Variants in FNDC1 observed in about 807,000 individuals in gnomAD.
The protein encoded by FNDC1 is fibronectin type III domain-containing protein 1.
Under a neutral mutation model 168.0 loss-of-function variants are expected in FNDC1, and 96 were observed. The ratio of observed to expected loss-of-function variants is 0.57; its 90% CI spans 0.48 to 0.68. The LOEUF (loss-of-function observed/expected upper bound fraction) is 0.68. FNDC1 is among the 30% of genes least tolerant of loss of function. FNDC1 has a pLI of 0.00. For missense variants in FNDC1, 2,587 were observed against 2,482.1 expected (o/e 1.04, Z -0.90); for synonymous variants, 1,099 against 1,025.9 (o/e 1.07, Z -1.36).
intron 19 of FNDC1, among the ~76,000 whole-genome samples, chr6:159,264,675 T>C (rs1005689835): frequency 8.5e-5 from 13 of 152,216 alleles, no homozygotes; most frequent in African/African-American, 3.1e-4. Flanking sequence ...CACTATTTTC[T>C]AAAGGTAGAC....
intron 6 of FNDC1, among the ~76,000 whole-genome samples, chr6:159,223,276 G>A (rs571386454): frequency 1.3e-5 from 2 of 151,748 alleles, no homozygotes; most frequent in Non-Finnish European, 2.9e-5. Flanking sequence ...GATTACAGGC[G>A]TGAACCACCA....
intron 22 of FNDC1, among the ~76,000 whole-genome samples, chr6:159,269,346 CATTTGTTTATCTAGGT>C (rs1777677415): frequency 3.5e-5 from 1 of 28,736 alleles, no homozygotes; most frequent in African/African-American, 7.5e-5. Flanking sequence ...TCTATCTATC[CATTTGTTTATCTAGGT>C]ATCCATCCAT....
intron 1 of FNDC1, among the ~76,000 whole-genome samples, chr6:159,193,185 A>G (rs1305587566): frequency 6.6e-6 from 1 of 152,110 alleles, no homozygotes; most frequent in East Asian, 1.9e-4. Context: ...TTAATACACA[A>G]TTGGGAGTTT....
At chr6:159,194,979 G>GA (rs1474111379) in intron 1 of FNDC1, among the ~76,000 whole-genome samples, 10 of 152,082 alleles carry the variant, frequency 6.6e-5, no homozygotes, top group Non-Finnish European at 1.5e-4. Context: ...TCCAGGAAAT[G>GA]AAAATATCTC....
intron 4 of FNDC1, among the ~76,000 whole-genome samples, chr6:159,202,073 A>G (rs1180669244): frequency 1.3e-5 from 2 of 152,202 alleles, no homozygotes; most frequent in Non-Finnish European, 2.9e-5. Context: ...TTGAACTTCT[A>G]TCTGCAGGAG....
Position 159,239,361 on chromosome 6 carries a change from C to T in FNDC1, c.4181-156C>T, listed in dbSNP as rs77344983. Among the ~76,000 whole-genome samples the T allele has an allele frequency of 4.7e-3, 723 of 152,310 alleles. 4 individuals are homozygous for T. The highest frequency in any genetic ancestry group is 6.9e-3 in the Non-Finnish European group (471 of 68,028). On this transcript the variant is annotated intron_variant, in intron 13 of 22. Transcript: ENST00000297267. ...CTAGACACAAGAGTTATCTCAGGAT[C>T]GTGGAGCATACTGATGCAATATTCA...
intron 4 of FNDC1, among the ~76,000 whole-genome samples, chr6:159,205,989 C>G (rs1782479385): frequency 6.6e-6 from 1 of 152,240 alleles, no homozygotes; most frequent in Non-Finnish European, 1.5e-5. Context: ...CTCCCAGGGC[C>G]CCCTTGTTGG....
chr6:159,272,037 A>T lies in FNDC1; in HGVS notation c.*595A>T, dbSNP rs1777757737. 1 of 152,416 alleles carries T rather than the reference A, an allele frequency of 6.6e-6. No individual in the cohort carries two copies. The highest frequency in any genetic ancestry group is 2.4e-5 in the African/African-American group (1 of 41,458). 9.4% of individuals were successfully genotyped at this position (152,416 alleles called of 1,614,324 possible). A position where few individuals can be genotyped will look rare whatever the true frequency, so the allele number is the denominator to read the frequency against. ...TCAATTTTGATATATATATGTATAT[A>T]TGCATATACATATCCACACTTGTCT... On this transcript the variant is annotated 3_prime_UTR_variant, in exon 23 of 23. Transcript: ENST00000297267.
chr6:159,249,671 T>A (rs575843077), intron 16 of FNDC1, among the ~76,000 whole-genome samples: 1 of 152,364 alleles, frequency 6.6e-6, no homozygotes, highest in African/African-American at 2.4e-5. Flanking sequence ...GGATTTGGGA[T>A]CTAGAAATTC....
At chr6:159,238,138 C>T (rs1360977105) in intron 12 of FNDC1, among the ~76,000 whole-genome samples, 2 of 149,608 alleles carry the variant, frequency 1.3e-5, no homozygotes, top group African/African-American at 4.9e-5. Flanking sequence ...TGCCCTGTCA[C>T]ACAGGCTGGA....
chr6:159,205,789 A>T (rs750547699), intron 4 of FNDC1, among the ~76,000 whole-genome samples: 1 of 152,212 alleles, frequency 6.6e-6, no homozygotes, highest in African/African-American at 2.4e-5. Flanking sequence ...CATTTGTCAT[A>T]CTGAACAAAT....
At chr6:159,222,634 A>G (rs1287162354) in intron 6 of FNDC1, among the ~76,000 whole-genome samples, 1 of 152,266 alleles carries the variant, frequency 6.6e-6, no homozygotes, top group African/African-American at 2.4e-5. Context: ...GATAACAAAG[A>G]TAAATCTCTG....
intron 1 of FNDC1, among the ~76,000 whole-genome samples, chr6:159,177,003 C>T (rs1781774507): frequency 6.6e-6 from 1 of 152,100 alleles, no homozygotes; most frequent in Non-Finnish European, 1.5e-5. Flanking sequence ...TTGGAAAGGG[C>T]TCCAGGGTAG....
chr6:159,173,962 G>A (rs775507577), intron 1 of FNDC1, among the ~76,000 whole-genome samples: 4 of 152,152 alleles, frequency 2.6e-5, no homozygotes, highest in African/African-American at 7.2e-5. Flanking sequence ...CAAACATTTC[G>A]GGAGAGGCTC....
intron 4 of FNDC1, among the ~76,000 whole-genome samples, chr6:159,214,254 T>TA (rs1239368163): frequency 6.6e-6 from 1 of 152,204 alleles, no homozygotes; most frequent in African/African-American, 2.4e-5. Flanking sequence ...TTTTAAACAC[T>TA]AAGTATTGAT....
At chr6:159,250,983 A>T (rs531681599) in intron 16 of FNDC1, among the ~76,000 whole-genome samples, 4 of 152,236 alleles carry the variant, frequency 2.6e-5, no homozygotes, top group Non-Finnish European at 5.9e-5. Flanking sequence ...AATGTGGGGC[A>T]CAGGAATGGC....
intron 4 of FNDC1, among the ~76,000 whole-genome samples, chr6:159,210,755 C>A (rs1782585159): frequency 6.6e-6 from 1 of 152,164 alleles, no homozygotes. Flanking sequence ...GAGCTGGGGT[C>A]AGGGAGTTCA....
intron 5 of FNDC1, among the ~76,000 whole-genome samples, chr6:159,221,336 G>T (rs2114975441): frequency 6.6e-6 from 1 of 152,292 alleles, no homozygotes; most frequent in East Asian, 1.9e-4. Flanking sequence ...TGATGCTGAT[G>T]AGGTAGAAAC....
chr6:159,176,114 G>T (rs1343310729), intron 1 of FNDC1, among the ~76,000 whole-genome samples: 1 of 152,140 alleles, frequency 6.6e-6, no homozygotes, highest in Non-Finnish European at 1.5e-5. Flanking sequence ...GGTTTATTAG[G>T]TCCTAATTGA....
Sources: allele counts gnomAD v4.1 joint callset (sites outside exome capture counted in the v4.1 genomes callset), GRCh38; gene constraint gnomAD v4.1.1; transcripts MANE v1.5; gene names NCBI Gene and HGNC (gene_info 2026-07-23, HGNC 2026-07-21).